Variants in CENPE observed in about 807,000 individuals in gnomAD.
CENPE encodes centromere-associated protein E.
In CENPE, 145 loss-of-function variants were observed where a neutral mutation model predicts 336.1. The ratio of observed to expected loss-of-function variants is 0.43; its 90% CI spans 0.38 to 0.50. The LOEUF is 0.50. Ranked by LOEUF, CENPE falls within the 20% of genes least tolerant of loss-of-function variation. CENPE has a pLI of 0.00. For missense variants in CENPE, 2,719 were observed against 3,023.3 expected (o/e 0.90, Z 2.36); for synonymous variants, 1,013 against 984.8 (o/e 1.03, Z -0.54).
Position 103,158,306 on chromosome 4 carries a change from C to T in CENPE, c.3027G>A (p.Gln1009=), listed in dbSNP as rs773361066. The T allele has an allele frequency of 2.8e-5, 45 of 1,602,572 alleles. 1 individual carries two copies. In the South Asian group the frequency reaches 5.1e-4, roughly 18 times the overall value. ...GAAAATAAACACCCTTTACCTTTTG[C>T]TGAAATTCATCTTTAGTTTCTCCTG... ...ENTGETKDEF[Q]QKMVGIDKKQ... The change falls in exon 24 of 49, where the codon CAG becomes CAA. Residue 1009 remains glutamine (Q), a synonymous_variant. Coordinates refer to ENST00000265148, the MANE Select transcript of CENPE (RefSeq NM_001813.3).
intron 46 of CENPE, among the ~76,000 whole-genome samples, chr4:103,113,521 ATTATATATAATATATAAC>A (rs1372196470): frequency 7.1e-6 from 1 of 140,146 alleles, no homozygotes; most frequent in Non-Finnish European, 1.5e-5. Context: ...TATAATATAT[ATTATATATAATATATAAC>A]TTATATATAA....
chr4:103,162,370 C>A (rs939682234), intron 18 of CENPE, among the ~76,000 whole-genome samples: 10 of 151,780 alleles, frequency 6.6e-5, no homozygotes, highest in African/African-American at 2.2e-4. Flanking sequence ...ATCAGGTATA[C>A]TGAAAGCAAA....
chr4:103,136,117 G>A (rs781019950), intron 40 of CENPE, 24 bp downstream of exon 40: 26 of 1,562,922 alleles, frequency 1.7e-5, no homozygotes, highest in Middle Eastern at 1.7e-4. Flanking sequence ...ATATTTAAAA[G>A]GATATTACTA....
intron 43 of CENPE, among the ~76,000 whole-genome samples, chr4:103,122,231 T>G (rs1199812035): frequency 6.6e-6 from 1 of 152,186 alleles, no homozygotes; most frequent in Non-Finnish European, 1.5e-5. Flanking sequence ...TTATAAGTAT[T>G]TATTTTGGTA....
In CENPE at chr4:103,160,719, T is replaced by C; in HGVS notation, c.2192A>G (p.Lys731Arg). The C allele has an allele frequency of 6.2e-7, 1 of 1,610,104 alleles. No homozygotes were observed. Among genetic ancestry groups the C allele is most frequent in the South Asian group, 1.1e-5 (1 of 90,516 alleles). ...KITDLQKELNKEVEENEALRE... is the reference protein window; with the variant it reads ...KITDLQKELNREVEENEALRE... ...CAAAGCTTCATTTTCTTCAACTTCT[T>C]TATTTAGTTCTTTCTGAAGATCAGT... Residue 731 changes from lysine to arginine, a missense_variant, in exon 21 of 49, where the codon AAA becomes AGA. Lys to Arg is a conservative substitution (Grantham distance 26). Around this residue, in one of 5 missense-constraint regions of CENPE, gnomAD observed 2,437 missense variants for 2,513.3 expected, o/e 0.97. Coordinates refer to ENST00000265148, the MANE Select transcript of CENPE (RefSeq NM_001813.3).
intron 16 of CENPE, among the ~76,000 whole-genome samples, chr4:103,163,910 C>T (rs180684862): frequency 4.6e-5 from 7 of 152,120 alleles, no homozygotes; most frequent in South Asian, 2.1e-4. Context: ...GAAAAATACA[C>T]GTTTAGTAGA....
chr4:103,144,291 A>C, intron 33 of CENPE, 40 bp downstream of exon 33: 1 of 1,520,668 alleles, frequency 6.6e-7, no homozygotes, highest in South Asian at 1.3e-5. Context: ...TTAGGACTCA[A>C]TGTCATAGTT....
rs752700962 is a variant in CENPE at position 103,151,290 on chromosome 4, T to C, written c.3325A>G (p.Ile1109Val). 12 of 1,607,192 alleles carry C rather than the reference T, an allele frequency of 7.5e-6. No individual in the cohort carries two copies. Among genetic ancestry groups the C allele is most frequent in the Non-Finnish European group, 1.0e-5 (12 of 1,178,516 alleles). Residue 1109 changes from isoleucine (I) to valine (V), a missense_variant, in exon 26 of 49, where the codon ATA becomes GTA. Coordinates refer to ENST00000265148, the MANE Select transcript of CENPE (RefSeq NM_001813.3). ...CTAGAAAGCTCTCCTTCTTTCTTTA[T>C]GGCATGGTTCTTTTCTTGTGCAACT... The part of the protein sequence containing the change: ...EIVAQEKNHA[I>V]KKEGELSRTC...
At chr4:103,113,523 T>TATATATAATATATAACTTATATATA (rs1749781285) in intron 46 of CENPE, among the ~76,000 whole-genome samples, 5 of 139,986 alleles carry the variant, frequency 3.6e-5, no homozygotes, top group Non-Finnish European at 7.6e-5. Flanking sequence ...TAATATATAT[T>TATATATAATATATAACTTATATATA]ATATATAATA....
At position 103,116,678 on chromosome 4, in the gene CENPE, A is replaced by G. The variant is rs1578543325; in HGVS notation, c.7341T>C (p.Ala2447=). ...ETIQVLQDKV[A]LGAKPYKEEI... ...CTTCTTTATATGGCTTAGCTCCTAA[A>G]GCAACTTTGTCCTAAATTTTTTTTA... The change falls in exon 45 of 49, where the codon GCT becomes GCC. Residue 2447 remains alanine, a synonymous_variant. Coordinates refer to ENST00000265148, the MANE Select transcript of CENPE (RefSeq NM_001813.3). 2 of 1,564,910 alleles carry G rather than the reference A, an allele frequency of 1.3e-6. No individual in the cohort carries two copies. Among genetic ancestry groups the G allele is most frequent in the East Asian group, 2.3e-5 (1 of 43,728 alleles).
chr4:103,127,312 G>GA (rs1439987209), intron 42 of CENPE, among the ~76,000 whole-genome samples: 2 of 152,024 alleles, frequency 1.3e-5, no homozygotes, highest in East Asian at 1.9e-4. Context: ...ACAGTGGAGT[G>GA]AAAAAACATA....
At position 103,190,784 on chromosome 4, in the gene CENPE, T is replaced by C. The variant is rs142999709; in HGVS notation, c.693+3445A>G. ...AAAGCAATGACAACAAAAGCCAAAA[T>C]TGACAAAATGGGATCTAAGTAAACT... On this transcript the variant is annotated intron_variant, in intron 8 of 48. Transcript: ENST00000265148. 1.3e-3 allele frequency among the ~76,000 whole-genome samples: 198 copies of C among 152,080 alleles called. 2 individuals carry two copies. In the East Asian group the frequency reaches 0.019, roughly 15 times the overall value.
At chr4:103,193,850 A>T (rs555943612) in intron 8 of CENPE, among the ~76,000 whole-genome samples, 16 of 152,064 alleles carry the variant, frequency 1.1e-4, no homozygotes, top group Non-Finnish European at 4.4e-5. Context: ...TGTTGATCAC[A>T]TAAGTCTAAA....
At chr4:103,161,708 T>C (rs1257767987) in intron 18 of CENPE, among the ~76,000 whole-genome samples, 1 of 152,212 alleles carries the variant, frequency 6.6e-6, no homozygotes, top group Non-Finnish European at 1.5e-5. Flanking sequence ...AGATCTGTTT[T>C]GTTTAAAGGT....
chr4:103,131,429 G>A (rs912026202), intron 42 of CENPE, among the ~76,000 whole-genome samples: 1 of 152,120 alleles, frequency 6.6e-6, no homozygotes, highest in Non-Finnish European at 1.5e-5. Context: ...TTACTAGAAT[G>A]GTCAAAATCC....
chr4:103,196,152 T>C lies in CENPE; in HGVS notation c.238+11A>G, dbSNP rs1163999487. 5 of 1,608,522 alleles carry C rather than the reference T, an allele frequency of 3.1e-6. No homozygotes were observed. In the African/African-American group the frequency reaches 4.0e-5, roughly 13 times the overall value. ...ACTAAAATGTTTCTGCAGCATTGAG[T>C]GAATACAAACCATTGTAGCCTTGTA... is the stretch of plus-strand genomic sequence containing the variant. On this transcript the variant is annotated intron_variant, in intron 3 of 48. Coordinates refer to ENST00000265148, the MANE Select transcript of CENPE (RefSeq NM_001813.3).
chr4:103,155,629 G>T (rs946431352), intron 24 of CENPE, among the ~76,000 whole-genome samples: 5 of 152,058 alleles, frequency 3.3e-5, no homozygotes, highest in African/African-American at 1.2e-4. Flanking sequence ...TCAAATTGAG[G>T]TCAAATGCCT....
At chr4:103,154,476 C>T (rs1753810820) in intron 24 of CENPE, among the ~76,000 whole-genome samples, 1 of 151,962 alleles carries the variant, frequency 6.6e-6, no homozygotes, top group Admixed American at 6.6e-5. Flanking sequence ...TTTAGCAACC[C>T]CCTTATTGTT....
At chr4:103,194,340 T>A (rs1196869220) in intron 7 of CENPE, 34 bp downstream of exon 7, 6 of 1,608,128 alleles carry the variant, frequency 3.7e-6, no homozygotes, top group Non-Finnish European at 3.4e-6. Context: ...CATTCTTACT[T>A]GGAAAGATCT....
Sources: gnomAD v4.1 joint callset for allele counts (sites outside exome capture counted in the v4.1 genomes callset) on GRCh38, gnomAD v4.1.1 for gene constraint, gnomAD v4.1.1 regional missense constraint, MANE v1.5 for transcripts, NCBI Gene and HGNC (gene_info 2026-07-23, HGNC 2026-07-21) for gene names.